The following PDE8A variants were observed in gnomAD, a reference collection of about 807,000 sequenced individuals.
PDE8A encodes phosphodiesterase 8A.
PDE8A carries 59 observed loss-of-function variants against 105.0 expected under a neutral mutation model. That is an observed-to-expected ratio of 0.56 (90% CI 0.46 to 0.70). PDE8A has a LOEUF of 0.70. Among genes scored for constraint, PDE8A ranks in the 30% least tolerant of loss-of-function variants. The pLI, the probability that PDE8A is intolerant of heterozygous loss-of-function variation, is 0.00. For synonymous variants in PDE8A, 355 were observed against 371.9 expected (o/e 0.95, Z 0.52); for missense variants, 1,014 against 1,045.9 (o/e 0.97, Z 0.42).
chr15:85,135,523 C>T (rs190438887), intron 20 of PDE8A, among the ~76,000 whole-genome samples: 8 of 152,242 alleles, frequency 5.3e-5, no homozygotes, highest in Non-Finnish European at 1.2e-4. Flanking sequence ...CTACCTCACT[C>T]CATCTGCGCT....
intron 1 of PDE8A, among the ~76,000 whole-genome samples, chr15:85,061,117 G>A (rs1275760178): frequency 6.6e-6 from 1 of 152,014 alleles, no homozygotes; most frequent in African/African-American, 2.4e-5. Flanking sequence ...TTTGATTGAC[G>A]ATTAGCTGAC....
At chr15:85,032,603 G>A (rs2080633533) in intron 1 of PDE8A, among the ~76,000 whole-genome samples, 2 of 152,050 alleles carry the variant, frequency 1.3e-5, no homozygotes, top group South Asian at 4.1e-4. Flanking sequence ...TTATGGGATT[G>A]TTTATTTTAA....
Position 85,012,786 on chromosome 15 carries a change from T to A in PDE8A, c.186+30438T>A, listed in dbSNP as rs185306744. ...GAAAAGTAGATTAGGGCTTTCTTTT[T>A]AAGAATTTATTTGGAAATTAATTTT... On this transcript the variant is annotated intron_variant, in intron 1 of 21. Transcript: ENST00000394553. Among the ~76,000 whole-genome samples, 908 of 152,318 alleles carry A rather than the reference T, an allele frequency of 6.0e-3. 6 individuals are homozygous for A. Among genetic ancestry groups the A allele is most frequent in the African/African-American group, 0.021 (869 of 41,564 alleles).
intron 6 of PDE8A, among the ~76,000 whole-genome samples, chr15:85,083,979 T>TATCTCTGGTAGGTATAA (rs1198410312): frequency 6.6e-6 from 1 of 152,152 alleles, no homozygotes; most frequent in East Asian, 1.9e-4. Context: ...CTATTAACAT[T>TATCTCTGGTAGGTATAA]AGTTATCTCT....
intron 1 of PDE8A, among the ~76,000 whole-genome samples, chr15:85,008,274 G>T (rs1483735070): frequency 6.6e-6 from 1 of 152,066 alleles, no homozygotes; most frequent in African/African-American, 2.4e-5. Context: ...AGAAGCCAGG[G>T]AACTTTGCAA....
chr15:85,092,252 C>G (rs1449931312), intron 8 of PDE8A, among the ~76,000 whole-genome samples: 1 of 152,012 alleles, frequency 6.6e-6, no homozygotes, highest in Non-Finnish European at 1.5e-5. Flanking sequence ...CAGTGAAGCC[C>G]TGCCAGGGGA....
At chr15:84,990,608 A>G (rs538737864) in intron 1 of PDE8A, among the ~76,000 whole-genome samples, 2 of 152,254 alleles carry the variant, frequency 1.3e-5, no homozygotes, top group Admixed American at 6.5e-5. Context: ...AAGAAACCAC[A>G]GTTCACTTAT....
At chr15:85,119,463 C>T (rs1162034082) in intron 17 of PDE8A, among the ~76,000 whole-genome samples, 6 of 16,446 alleles carry the variant, frequency 3.6e-4, no homozygotes, top group African/African-American at 1.2e-3. Flanking sequence ...GCAAGACTCT[C>T]GTCTCAAAAA....
intron 12 of PDE8A, among the ~76,000 whole-genome samples, chr15:85,110,877 C>G (rs1020215750): frequency 6.6e-6 from 1 of 152,218 alleles, no homozygotes; most frequent in Non-Finnish European, 1.5e-5. Context: ...CCATGTTACT[C>G]TCCTCACTCA....
chr15:85,093,311 T>C (rs1178105156), intron 8 of PDE8A, among the ~76,000 whole-genome samples: 1 of 152,164 alleles, frequency 6.6e-6, no homozygotes, highest in African/African-American at 2.4e-5. Context: ...TGCTGGTCTA[T>C]GGGCAACATG....
chr15:85,021,719 A>G lies in PDE8A; in HGVS notation c.186+39371A>G, dbSNP rs554733318. On this transcript the variant is annotated intron_variant, in intron 1 of 21. Transcript: ENST00000394553. ...GTCTCTCTAGTCTTCAGCCTGAGGC[A>G]ATTCTTAAGTACCTGTCCATTGAGA... Among the ~76,000 whole-genome samples, 128 of 152,342 alleles carry G rather than the reference A, an allele frequency of 8.4e-4. 3 individuals carry two copies. In the South Asian group the frequency reaches 0.016, roughly 19 times the overall value.
chr15:85,017,898 AAG>A (rs1555466320), intron 1 of PDE8A, among the ~76,000 whole-genome samples: 1 of 151,258 alleles, frequency 6.6e-6, no homozygotes, highest in Non-Finnish European at 1.5e-5. Context: ...AAAAAAAAAA[AAG>A]CAATAGTGGG....
At chr15:85,104,916 C>A (rs1476360981) in intron 11 of PDE8A, among the ~76,000 whole-genome samples, 1 of 152,094 alleles carries the variant, frequency 6.6e-6, no homozygotes, top group African/African-American at 2.4e-5. Context: ...CATCATTCAT[C>A]CAAACTCAGT....
At chr15:85,035,558 A>G (rs2080692534) in intron 1 of PDE8A, among the ~76,000 whole-genome samples, 1 of 152,120 alleles carries the variant, frequency 6.6e-6, no homozygotes, top group South Asian at 2.1e-4. Flanking sequence ...AGCCAACTAT[A>G]GTGAAGGTAC....
chr15:85,037,303 G>A (rs146701387), intron 1 of PDE8A, among the ~76,000 whole-genome samples: 2 of 152,252 alleles, frequency 1.3e-5, no homozygotes, highest in African/African-American at 4.8e-5. Context: ...AACCTCAGGT[G>A]ATCTGCCCGC....
At chr15:85,098,075 GT>G (rs757109425) in intron 9 of PDE8A, 39 bp downstream of exon 9, 1 of 1,194,826 alleles carries the variant, frequency 8.4e-7, no homozygotes, top group South Asian at 1.2e-5. Flanking sequence ...AACATACAGT[GT>G]TTTGGGTTAT....
At chr15:85,039,539 A>G (rs748611182) in intron 1 of PDE8A, among the ~76,000 whole-genome samples, 2 of 152,148 alleles carry the variant, frequency 1.3e-5, no homozygotes, top group Non-Finnish European at 2.9e-5. Flanking sequence ...GGAAAACAGT[A>G]TGGAGGTTCC....
Position 85,067,122 on chromosome 15 carries a change from G to T in PDE8A, c.352G>T (p.Ala118Ser). 5 of 1,613,966 alleles carry T rather than the reference G, an allele frequency of 3.1e-6. No homozygotes were observed. Among genetic ancestry groups the T allele is most frequent in the Non-Finnish European group, 4.2e-6 (5 of 1,179,866 alleles). The change falls in exon 3 of 22, where the codon GCC becomes TCC. Residue 118 changes from alanine (A) to serine (S), a missense_variant. Ala to Ser is a moderately conservative substitution (Grantham distance 99). Transcript: ENST00000394553. ...TVTKEAQAVL[A>S]CFLDKHHDII... ...TACCAAGGAGGCTCAGGCTGTCCTTGCCTGTTTCCTGGACAAACATCATGA... is the reference window on the plus strand; with the variant it reads ...TACCAAGGAGGCTCAGGCTGTCCTTTCCTGTTTCCTGGACAAACATCATGA...
chr15:85,065,761 G>C (rs2081214537), intron 2 of PDE8A, among the ~76,000 whole-genome samples: 1 of 152,224 alleles, frequency 6.6e-6, no homozygotes, highest in Admixed American at 6.5e-5. Context: ...CTTCTGAAGG[G>C]ATGGAGCACG....
Sources: gnomAD v4.1 joint callset for allele counts (sites outside exome capture counted in the v4.1 genomes callset) on GRCh38, gnomAD v4.1.1 for gene constraint, MANE v1.5 for transcripts, NCBI Gene and HGNC (gene_info 2026-07-23, HGNC 2026-07-21) for gene names.